Variants in LIX1L observed in about 807,000 individuals in gnomAD.
The protein encoded by LIX1L is limb and CNS expressed 1 like, also known as LIX1-like protein.
In LIX1L, 20 loss-of-function variants were observed where a neutral mutation model predicts 34.0. The observed-to-expected ratio is 0.59, with a 90% CI of 0.41 to 0.85. The LOEUF (loss-of-function observed/expected upper bound fraction) is 0.85. Among genes scored for constraint, LIX1L ranks in the 40% least tolerant of loss-of-function variants. The pLI, the probability that LIX1L is intolerant of heterozygous loss-of-function variation, is 0.00. For synonymous variants in LIX1L, 170 were observed against 187.4 expected (o/e 0.91, Z 0.76); for missense variants, 397 against 447.0 (o/e 0.89, Z 1.01).
rs587654052 is a variant in LIX1L, at chr1:145,939,353, T to G, written c.598-1654A>C. Among the ~76,000 whole-genome samples the G allele has an allele frequency of 2.6e-5, 4 of 151,114 alleles. No homozygotes were observed. In the South Asian group the frequency reaches 8.4e-4, roughly 32 times the overall value. ...TGAAGTCTTACTCTGTCGCCCAGGC[T>G]GGAGTGCAGTGGTGCGATCTCAGTT... On this transcript the variant is annotated intron_variant, in intron 3 of 5. Transcript: ENST00000604000.
intron 2 of LIX1L, among the ~76,000 whole-genome samples, chr1:145,943,109 G>A (rs1452373677): frequency 2.0e-5 from 3 of 152,226 alleles, no homozygotes; most frequent in African/African-American, 7.2e-5. Flanking sequence ...GCAGAACGAG[G>A]AAGGCTGCTT....
At chr1:145,942,974 T>C in intron 2 of LIX1L, 121 bp from the exon 3 acceptor site, 4 of 942,698 alleles carry the variant, frequency 4.2e-6, no homozygotes, top group Non-Finnish European at 6.4e-6. Flanking sequence ...AAATCAGTTG[T>C]GTTCAACACA....
chr1:145,947,817 T>C (rs1469657688), intron 1 of LIX1L, 35 bp from the exon 2 acceptor site: 1 of 1,599,692 alleles, frequency 6.3e-7, no homozygotes, highest in Non-Finnish European at 8.6e-7. Flanking sequence ...CAGCAATGAA[T>C]GAGAACACCT....
intron 3 of LIX1L, among the ~76,000 whole-genome samples, chr1:145,938,744 C>T (rs886129511): frequency 2.0e-5 from 3 of 151,960 alleles, no homozygotes; most frequent in African/African-American, 7.2e-5. Flanking sequence ...TGCGCCATCA[C>T]GCCCGGCTAA....
chr1:145,957,839 C>G lies in LIX1L; in HGVS notation c.89G>C (p.Gly30Ala), dbSNP rs587603553. Residue 30 changes from glycine to alanine, a missense_variant, in exon 1 of 6, where the codon GGG becomes GCG. By Grantham distance (60) the Gly-to-Ala change is moderately conservative. Around this residue, in one of 3 missense-constraint regions of LIX1L, gnomAD observed 207 missense variants for 205.2 expected, o/e 1.01. Coordinates refer to ENST00000604000, the MANE Select transcript of LIX1L (RefSeq NM_153713.3). ...TLRALRPGVT[G>A]AAAATATPPA... is the part of the protein sequence containing the mutation. Reference sequence around the variant, plus strand: ...GGGTGTGGCGGTGGCGGCCGCGGCCCCAGTCACTCCGGGCCGCAGCGCTCG... The same window carrying G: ...GGGTGTGGCGGTGGCGGCCGCGGCCGCAGTCACTCCGGGCCGCAGCGCTCG... 3.1e-5 allele frequency: 44 copies of G among 1,422,082 alleles called. No homozygotes were observed. In the African/African-American group the frequency reaches 6.1e-4, roughly 20 times the overall value. 88.1% of individuals were successfully genotyped at this position (1,422,082 alleles called of 1,614,324 possible). A position where few individuals can be genotyped will look rare whatever the true frequency, so the allele number is the denominator to read the frequency against.
rs782481464 is a variant in LIX1L, at chr1:145,937,585, G to A, written c.693+19C>T. 2.6e-6 allele frequency: 4 copies of A among 1,515,198 alleles called. No individual in the cohort carries two copies. The highest frequency in any genetic ancestry group is 3.4e-5 in the Admixed American group (2 of 59,558). 93.9% of individuals were successfully genotyped at this position (1,515,198 alleles called of 1,614,324 possible). A position where few individuals can be genotyped will look rare whatever the true frequency, so the allele number is the denominator to read the frequency against. Reference sequence around the variant, plus strand: ...GCTGACCCATGTTATTAGAACCAGGGAAGTACATGGGAAAGTACCTGGAAC... The same window carrying A: ...GCTGACCCATGTTATTAGAACCAGGAAAGTACATGGGAAAGTACCTGGAAC... On this transcript the variant is annotated intron_variant, in intron 4 of 5. Transcript: ENST00000604000.
intron 3 of LIX1L, among the ~76,000 whole-genome samples, chr1:145,938,567 TTAAAAA>T (rs1312743330): frequency 6.7e-6 from 1 of 148,992 alleles, no homozygotes; most frequent in Non-Finnish European, 1.5e-5. Context: ...AAATTTTAAA[TTAAAAA>T]TAAAAATTTC....
chr1:145,934,582 A>AAAAAAAG lies in LIX1L; in HGVS notation c.*1727_*1728insCTTTTTT, dbSNP rs1553757445. 0.21 allele frequency: 28,753 copies of AAAAAAAG among 139,798 alleles called. 6,976 individuals are homozygous for AAAAAAAG. The highest frequency in any genetic ancestry group is 0.59 in the African/African-American group (20,917 of 35,258). 8.7% of individuals were successfully genotyped at this position (139,798 alleles called of 1,614,324 possible). On this transcript the variant is annotated 3_prime_UTR_variant, in exon 6 of 6. Transcript: ENST00000604000. ...GAGCGAGACTCCGTCTCAAAAAAAA[A>AAAAAAAG]AAAAACACACAAATAGTTTGGGAGG...
intron 2 of LIX1L, among the ~76,000 whole-genome samples, chr1:145,944,095 G>A (rs1043849759): frequency 3.3e-5 from 5 of 149,726 alleles, no homozygotes; most frequent in African/African-American, 9.9e-5. Context: ...GGTGGCTCAT[G>A]CCTGTAATCC....
At position 145,942,726 on chromosome 1, in the gene LIX1L, A is replaced by G; in HGVS notation, c.584T>C (p.Leu195Pro). 6.2e-7 allele frequency: 1 copy of G among 1,614,078 alleles called. No individual in the cohort carries two copies. Among genetic ancestry groups the G allele is most frequent in the South Asian group, 1.1e-5 (1 of 91,080 alleles). Residue 195 changes from leucine to proline, a missense_variant, in exon 3 of 6, where the codon CTG (leucine) becomes CCG (proline). Physicochemically the swap from Leu to Pro is moderately conservative, Grantham distance 98 (BLOSUM62 -3). Around this residue, in one of 3 missense-constraint regions of LIX1L, gnomAD observed 174 missense variants for 204.0 expected, o/e 0.85. Coordinates refer to ENST00000604000, the MANE Select transcript of LIX1L (RefSeq NM_153713.3). ...EFIEKSVSEA[L>P]ASFNGNREEA... ...CATACAACTTACATTAAAAGATGCCAGGGCCTCAGAGACACTCTTCTCGAT... is the reference window on the plus strand; with the variant it reads ...CATACAACTTACATTAAAAGATGCCGGGGCCTCAGAGACACTCTTCTCGAT...
Position 145,947,526 on chromosome 1 carries a change from T to C in LIX1L, c.456+93A>G, listed in dbSNP as rs1229313429. ...GAATTGCTTTAGGTCCTCAAATATA[T>C]GATTTCAGGCAGTTTAATGGCCAAA... On this transcript the variant is annotated intron_variant, in intron 2 of 5. Transcript: ENST00000604000. The C allele has an allele frequency of 1.4e-5, 19 of 1,342,274 alleles. No homozygotes were observed. The East Asian group carries it at 2.5e-4, about 18-fold the overall frequency. The allele number at this position is 1,342,274 out of a possible 1,614,324, so 83.1% of individuals were successfully genotyped here. A position where few individuals can be genotyped will look rare whatever the true frequency, so the allele number is the denominator to read the frequency against.
At chr1:145,944,023 C>T (rs1649014813) in intron 2 of LIX1L, among the ~76,000 whole-genome samples, 1 of 151,684 alleles carries the variant, frequency 6.6e-6, no homozygotes, top group African/African-American at 2.4e-5. Flanking sequence ...GCCTGGGTGA[C>T]AGAGTGAGAC....
chr1:145,943,634 A>G (rs587612848), intron 2 of LIX1L, among the ~76,000 whole-genome samples: 1 of 152,208 alleles, frequency 6.6e-6, no homozygotes, highest in Non-Finnish European at 1.5e-5. Flanking sequence ...TCTAGCCACC[A>G]TAGTATTCCT....
chr1:145,936,611 A>G (rs1648656535), intron 5 of LIX1L, 59 bp from the exon 6 acceptor site: 2 of 1,585,216 alleles, frequency 1.3e-6, no homozygotes, highest in Non-Finnish European at 1.7e-6. Context: ...ATCATACCAC[A>G]CTGACCCAAC....
chr1:145,954,123 T>G (rs1649390705), intron 1 of LIX1L, among the ~76,000 whole-genome samples: 1 of 151,126 alleles, frequency 6.6e-6, no homozygotes, highest in Non-Finnish European at 1.5e-5. Flanking sequence ...GAGATTATAG[T>G]GATACAGCAA....
In LIX1L at chr1:145,934,134, T is replaced by C. The variant is rs782089485; in HGVS notation, c.*2176A>G. On this transcript the variant is annotated 3_prime_UTR_variant, in exon 6 of 6. Coordinates refer to ENST00000604000, the MANE Select transcript of LIX1L (RefSeq NM_153713.3). ...AAGTACATGGGACAATAATATAGTA[T>C]AAATAAGAGATCACAGAGACAAGGG... 1.3e-5 allele frequency: 2 copies of C among 151,880 alleles called. No individual in the cohort carries two copies. The highest frequency in any genetic ancestry group is 6.8e-3 in the Middle Eastern group (2 of 294). 9.4% of individuals were successfully genotyped at this position (151,880 alleles called of 1,614,324 possible).
intron 1 of LIX1L, among the ~76,000 whole-genome samples, chr1:145,957,311 T>A (rs1426631448): frequency 1.3e-5 from 2 of 152,184 alleles, no homozygotes; most frequent in Non-Finnish European, 2.9e-5. Flanking sequence ...CAATGAGGAC[T>A]GGTTCTCAAA....
chr1:145,949,535 G>A (rs1649218520), intron 1 of LIX1L, among the ~76,000 whole-genome samples: 1 of 152,118 alleles, frequency 6.6e-6, no homozygotes, highest in South Asian at 2.1e-4. Context: ...GAGGAGGCAG[G>A]GACCAGACCA....
chr1:145,942,731 C>T lies in LIX1L; in HGVS notation c.579G>A (p.Glu193=). ...TDEFIEKSVS[E]ALASFNGNRE... is the part of the protein sequence containing the mutation. ...AACTTACATTAAAAGATGCCAGGGC[C>T]TCAGAGACACTCTTCTCGATGAACT... Residue 193 remains glutamate (E), a synonymous_variant, in exon 3 of 6, where the codon GAG becomes GAA. Coordinates refer to ENST00000604000, the MANE Select transcript of LIX1L (RefSeq NM_153713.3). 6.2e-7 allele frequency: 1 copy of T among 1,614,106 alleles called. No homozygotes were observed. The highest frequency in any genetic ancestry group is 8.5e-7 in the Non-Finnish European group (1 of 1,180,000).
Sources: allele counts gnomAD v4.1 joint callset (sites outside exome capture counted in the v4.1 genomes callset), GRCh38; gene constraint gnomAD v4.1.1; regional missense constraint gnomAD v4.1.1; transcripts MANE v1.5; gene names NCBI Gene and HGNC (gene_info 2026-07-23, HGNC 2026-07-21).